The following ZFAND2A variants were observed in gnomAD, a reference collection of about 807,000 sequenced individuals.
The protein encoded by ZFAND2A is zinc finger AN1-type containing 2A.
In ZFAND2A, 20 loss-of-function variants were observed where a neutral mutation model predicts 11.6. The ratio of observed to expected loss-of-function variants is 1.72; its 90% CI spans 1.21 to 2.50. The LOEUF (loss-of-function observed/expected upper bound fraction) is 2.50, where lower values mean the gene tolerates loss of function less well. Among genes scored for constraint, ZFAND2A ranks in the 30% most tolerant of loss-of-function variants. The pLI is 0.00. For missense variants in ZFAND2A, 234 were observed against 182.9 expected (o/e 1.28, Z -1.61); for synonymous variants, 93 against 60.6 (o/e 1.54, Z -2.48).
chr7:1,158,277 G>A lies in ZFAND2A; in HGVS notation c.-45-20C>T. The A allele has an allele frequency of 2.7e-6, 4 of 1,495,116 alleles. No homozygotes were observed. Among genetic ancestry groups the A allele is most frequent in the Non-Finnish European group, 2.8e-6 (3 of 1,077,408 alleles). 92.6% of individuals were successfully genotyped at this position (1,495,116 alleles called of 1,614,324 possible). A position where few individuals can be genotyped will look rare whatever the true frequency, so the allele number is the denominator to read the frequency against. ...TGTCACCTACAAGAGAATCAGAATA[G>A]TTAGGAGGAAAGCTGGACTGCCCTT... On this transcript the variant is annotated intron_variant, in intron 1 of 4. Coordinates refer to ENST00000316495, the MANE Select transcript of ZFAND2A (RefSeq NM_182491.4).
intron 1 of ZFAND2A, among the ~76,000 whole-genome samples, chr7:1,159,276 G>A (rs2128259406): frequency 6.6e-6 from 1 of 152,340 alleles, no homozygotes; most frequent in South Asian, 2.1e-4. Flanking sequence ...ATCCCCAAAT[G>A]ATTTTGTTCT....
chr7:1,153,988 T>C (rs1584025166), intron 4 of ZFAND2A, among the ~76,000 whole-genome samples: 3 of 150,390 alleles, frequency 2.0e-5, no homozygotes. Flanking sequence ...AAGCTGGGGA[T>C]TCCCGTGAAG....
Position 1,160,000 on chromosome 7 carries a change from C to G in ZFAND2A, c.-82G>C, listed in dbSNP as rs995723671. 1.3e-5 allele frequency: 2 copies of G among 157,138 alleles called. No homozygotes were observed. Among genetic ancestry groups the G allele is most frequent in the African/African-American group, 4.8e-5 (2 of 41,482 alleles). 9.7% of individuals were successfully genotyped at this position (157,138 alleles called of 1,614,324 possible). A position where few individuals can be genotyped will look rare whatever the true frequency, so the allele number is the denominator to read the frequency against. ...CGGGGACCCAGGCAGCTGAGGTGAG[C>G]AGCAGATGGAAGAGACGTAAACTCA... On this transcript the variant is annotated 5_prime_UTR_variant, in exon 1 of 5. Coordinates refer to ENST00000316495, the MANE Select transcript of ZFAND2A (RefSeq NM_182491.4).
At position 1,153,092 on chromosome 7, in the gene ZFAND2A, G is replaced by GA. The variant is rs1330570184; in HGVS notation, c.414dup (p.Arg139SerfsTer21). On this transcript the variant is annotated frameshift_variant, in exon 5 of 5. Transcript: ENST00000316495. LOFTEE classifies it high-confidence loss of function. ...TCTCACCCAGCTTTGATGGTGGGGC[G>GA]ACTCCCGTGTCTGCAGCTGTGGTCC... is the stretch of plus-strand genomic sequence containing the variant. The GA allele has an allele frequency of 9.9e-6, 16 of 1,614,028 alleles. No individual in the cohort carries two copies. Among genetic ancestry groups the GA allele is most frequent in the Non-Finnish European group, 1.3e-5 (15 of 1,180,040 alleles).
At chr7:1,149,282 C>T (rs1793355234), downstream of ZFAND2A, among the ~76,000 whole-genome samples, 1 of 152,220 alleles carries the variant, frequency 6.6e-6, no homozygotes. Flanking sequence ...CCACACCGAA[C>T]ACTGTGCTGG....
Position 1,158,265 on chromosome 7 carries a change from A to G in ZFAND2A, c.-45-8T>C. ...GGCGGAGTTAAGTGTCACCTACAAG[A>G]GAATCAGAATAGTTAGGAGGAAAGC... On this transcript the variant is annotated splice_region_variant and splice_polypyrimidine_tract_variant and intron_variant, in intron 1 of 4. Transcript: ENST00000316495. 1 of 1,541,328 alleles carries G rather than the reference A, an allele frequency of 6.5e-7. No individual in the cohort carries two copies. The highest frequency in any genetic ancestry group is 1.1e-5 in the South Asian group (1 of 88,564).
chr7:1,155,475 TGA>T lies in ZFAND2A; in HGVS notation c.258_259del (p.His87ProfsTer72). ...TACCTTCTCTTTCTTCTTCCCAGGG[TGA>T]GAGTCACAGTCTCTGTCAATGTGAT... On this transcript the variant is annotated frameshift_variant, in exon 4 of 5. Transcript: ENST00000316495. LOFTEE classifies it low-confidence loss of function (END_TRUNC). The T allele has an allele frequency of 6.2e-7, 1 of 1,613,672 alleles. No homozygotes were observed. Among genetic ancestry groups the T allele is most frequent in the East Asian group, 2.2e-5 (1 of 44,860 alleles).
At chr7:1,152,040 G>A, downstream of ZFAND2A, 1 of 505,920 alleles carries the variant, frequency 2.0e-6, no homozygotes, top group Admixed American at 3.7e-5. Flanking sequence ...GAAACCAGCT[G>A]TATGATGCTG....
chr7:1,157,319 G>T, intron 3 of ZFAND2A: 1 of 183,022 alleles, frequency 5.5e-6, no homozygotes, highest in Non-Finnish European at 1.1e-5. Flanking sequence ...CAGCTATGGT[G>T]TAACAGCTAT....
intron 1 of ZFAND2A, 29 bp downstream of exon 1, chr7:1,159,935 A>C (rs539719277): frequency 1.1e-3 from 175 of 166,348 alleles, no homozygotes; most frequent in African/African-American, 4.0e-3. Context: ...CCCCCGGCAG[A>C]CCCTGTCTGC....
intron 3 of ZFAND2A, among the ~76,000 whole-genome samples, chr7:1,156,069 A>G (rs1177615314): frequency 6.6e-6 from 1 of 152,256 alleles, no homozygotes. Flanking sequence ...AACGACCGTC[A>G]CTGGCTGCAG....
At chr7:1,150,420 A>C (rs1422581478), downstream of ZFAND2A, among the ~76,000 whole-genome samples, 1 of 152,162 alleles carries the variant, frequency 6.6e-6, no homozygotes, top group Non-Finnish European at 1.5e-5. Flanking sequence ...AACAGGACAG[A>C]ACTTGGGGGA....
chr7:1,155,558 G>C lies in ZFAND2A; in HGVS notation c.177C>G (p.Leu59=), dbSNP rs973877474. The C allele has an allele frequency of 6.2e-7, 1 of 1,613,792 alleles. No individual in the cohort carries two copies. The highest frequency in any genetic ancestry group is 2.2e-5 in the East Asian group (1 of 44,862). Residue 59 remains leucine, a synonymous_variant, in exon 4 of 5, where the codon CTC becomes CTG. Coordinates refer to ENST00000316495, the MANE Select transcript of ZFAND2A (RefSeq NM_182491.4). ...TTTTTACTGGGATGGGGGTATTACA[G>C]AGTGGGCATACTGGGACGTGAACAT... ...QKDVHVPVCP[L]CNTPIPVKKG...
At position 1,155,433 on chromosome 7, in the gene ZFAND2A, G is replaced by A. The variant is rs747565021; in HGVS notation, c.282+20C>T. The A allele has an allele frequency of 3.5e-5, 56 of 1,606,220 alleles. No homozygotes were observed. The highest frequency in any genetic ancestry group is 4.0e-5 in the Non-Finnish European group (47 of 1,176,858). The stretch of plus-strand genomic sequence containing the variant: ...ACCAGGCTTCCCAGATGAAGGAACT[G>A]AGGCGGGCTCTGTCCTTACCTTCTC... On this transcript the variant is annotated intron_variant, in intron 4 of 4. Coordinates refer to ENST00000316495, the MANE Select transcript of ZFAND2A (RefSeq NM_182491.4).
downstream of ZFAND2A, chr7:1,152,814 C>T (rs568770935): frequency 7.5e-4 from 462 of 616,182 alleles, 2 homozygotes; most frequent in Non-Finnish European, 1.1e-3. Flanking sequence ...ACCTCCAGCC[C>T]CCAGAACTGT....
chr7:1,158,371 C>T lies in ZFAND2A; in HGVS notation c.-45-114G>A, dbSNP rs967379970. ...ACAAACGCACTGTGTGGGGAGCATT[C>T]CATGGAGTTTTAGTACAAATACCAG... On this transcript the variant is annotated intron_variant, in intron 1 of 4. Coordinates refer to ENST00000316495, the MANE Select transcript of ZFAND2A (RefSeq NM_182491.4). 18 of 662,612 alleles carry T rather than the reference C, an allele frequency of 2.7e-5. No individual in the cohort carries two copies. The Admixed American group carries it at 3.4e-4, about 13-fold the overall frequency. 41.0% of individuals were successfully genotyped at this position (662,612 alleles called of 1,614,324 possible).
At chr7:1,150,143 A>G (rs1430837409), downstream of ZFAND2A, among the ~76,000 whole-genome samples, 1 of 151,514 alleles carries the variant, frequency 6.6e-6, no homozygotes, top group African/African-American at 2.4e-5. Flanking sequence ...AAAGCAAAAA[A>G]GTTTGTCAGA....
At chr7:1,149,660 A>C (rs1300655070), downstream of ZFAND2A, among the ~76,000 whole-genome samples, 1 of 152,190 alleles carries the variant, frequency 6.6e-6, no homozygotes, top group Non-Finnish European at 1.5e-5. Context: ...CTCCACACCC[A>C]GGCTGTAGGG....
In ZFAND2A at chr7:1,155,535, T is replaced by C; in HGVS notation, c.200A>G (p.Lys67Arg). The C allele has an allele frequency of 6.2e-7, 1 of 1,613,818 alleles. No homozygotes were observed. Among genetic ancestry groups the C allele is most frequent in the Non-Finnish European group, 8.5e-7 (1 of 1,179,850 alleles). The change falls in exon 4 of 5, where the codon AAA becomes AGA. Residue 67 changes from lysine to arginine, a missense_variant. Lys to Arg is a conservative substitution (Grantham distance 26, BLOSUM62 2). Transcript: ENST00000316495. The part of the protein sequence containing the change: ...CPLCNTPIPV[K>R]KGQIPDVVVG... ...CACCACGTCTGGTATCTGGCCCTTT[T>C]TTACTGGGATGGGGGTATTACAGAG...
Sources: allele counts gnomAD v4.1 joint callset (sites outside exome capture counted in the v4.1 genomes callset), GRCh38; gene constraint gnomAD v4.1.1; transcripts MANE v1.5; gene names NCBI Gene and HGNC (gene_info 2026-07-23, HGNC 2026-07-21).